The following ROR2 variants were observed in gnomAD, a reference collection of about 807,000 sequenced individuals.
ROR2 encodes the protein ROR family WNT receptor 2, also known as tyrosine-protein kinase transmembrane receptor ROR2.
A neutral mutation model predicts 74.9 loss-of-function variants in ROR2; 33 were observed. That is an observed-to-expected ratio of 0.44 (90% CI 0.33 to 0.59). ROR2 has a LOEUF of 0.59. Ranked by LOEUF, ROR2 falls within the 20% of genes least tolerant of loss-of-function variation. The pLI, the probability that ROR2 is intolerant of heterozygous loss-of-function variation, is 0.02. For missense variants in ROR2, 1,216 were observed against 1,313.8 expected, an observed-to-expected ratio of 0.93 and a Z score of 1.15; for synonymous variants, 586 against 558.7, an observed-to-expected ratio of 1.05 and a Z score of -0.69.
chr9:91,768,707 G>A (rs9409461), intron 2 of ROR2, among the ~76,000 whole-genome samples: 53,953 of 152,052 alleles, frequency 0.35, 11,917 homozygotes, highest in Non-Finnish European at 0.48. Flanking sequence ...CAGCCTCATC[G>A]ATGGCAGGAA....
chr9:91,846,681 C>T (rs992335499), intron 1 of ROR2, among the ~76,000 whole-genome samples: 1 of 152,102 alleles, frequency 6.6e-6, no homozygotes, highest in Non-Finnish European at 1.5e-5. Flanking sequence ...TTTCAAGTTT[C>T]GAGTCTTGCC....
intron 1 of ROR2, among the ~76,000 whole-genome samples, chr9:91,875,684 G>A (rs1829935687): frequency 6.6e-6 from 1 of 152,180 alleles, no homozygotes; most frequent in African/African-American, 2.4e-5. Context: ...AGAAAATGAA[G>A]TTTTCAGAGA....
Position 91,724,556 on chromosome 9 carries a change from G to C in ROR2, c.1938C>G (p.Tyr646Ter), listed in dbSNP as rs1332186381. The C allele has an allele frequency of 6.2e-7, 1 of 1,614,208 alleles. No individual in the cohort carries two copies. Among genetic ancestry groups the C allele is most frequent in the South Asian group, 1.1e-5 (1 of 91,092 alleles). ...GCAGCAGCGAGTTCCCCAGCAGCTT[G>C]TAGTAATCGGCGGCATACACCTCTC... Reference protein sequence around the residue: ...LFREVYAADYYKLLGNSLLPI... With the variant: ...LFREVYAADY The change falls in exon 9 of 9, where the codon TAC becomes TAG. Residue 646 changes from tyrosine to a stop codon, truncating the protein, a stop_gained. Transcript: ENST00000375708. LOFTEE classifies it high-confidence loss of function.
intron 1 of ROR2, among the ~76,000 whole-genome samples, chr9:91,938,488 T>A (rs999152281): frequency 6.6e-6 from 1 of 151,968 alleles, no homozygotes; most frequent in Non-Finnish European, 1.5e-5. Flanking sequence ...CCAGATGTGA[T>A]GTGCACACCT....
At position 91,765,323 on chromosome 9, in the gene ROR2, G is replaced by A. The variant is rs145651699; in HGVS notation, c.176-7764C>T. On this transcript the variant is annotated intron_variant, in intron 2 of 8. Coordinates refer to ENST00000375708, the MANE Select transcript of ROR2 (RefSeq NM_004560.4). ...TTGGTTCCTTTTCAAATCCACCACT[G>A]CTTTTTCTTCTATGTGGTTTCTGTT... Among the ~76,000 whole-genome samples, 554 of 152,200 alleles carry A rather than the reference G, an allele frequency of 3.6e-3. 5 individuals carry two copies. The highest frequency in any genetic ancestry group is 5.8e-3 in the Non-Finnish European group (395 of 68,000).
At chr9:91,817,676 C>A (rs1262983124) in intron 1 of ROR2, among the ~76,000 whole-genome samples, 1 of 152,238 alleles carries the variant, frequency 6.6e-6, no homozygotes, top group Non-Finnish European at 1.5e-5. Context: ...TCGGGGCCTC[C>A]TGGGTCCTGC....
chr9:91,891,252 C>CTTTTTTTTT (rs59835723), intron 1 of ROR2, among the ~76,000 whole-genome samples: 1 of 136,850 alleles, frequency 7.3e-6, no homozygotes. Flanking sequence ...CTGTTCCTTT[C>CTTTTTTTTT]TTTTTTTTTT....
chr9:91,876,507 A>T (rs1829959630), intron 1 of ROR2, among the ~76,000 whole-genome samples: 1 of 152,216 alleles, frequency 6.6e-6, no homozygotes, highest in Non-Finnish European at 1.5e-5. Flanking sequence ...CAAACTCTCC[A>T]ATTGTGAGCT....
chr9:91,834,316 G>A (rs1035204364), intron 1 of ROR2, among the ~76,000 whole-genome samples: 5 of 152,088 alleles, frequency 3.3e-5, no homozygotes, highest in African/African-American at 4.8e-5. Context: ...CCAGGACCAC[G>A]TCCCCGCGTG....
At chr9:91,879,518 C>A (rs888991379) in intron 1 of ROR2, among the ~76,000 whole-genome samples, 6 of 151,564 alleles carry the variant, frequency 4.0e-5, no homozygotes, top group African/African-American at 1.5e-4. Context: ...TCTTTTTCCC[C>A]AGCCACCCAT....
intron 7 of ROR2, among the ~76,000 whole-genome samples, chr9:91,730,446 C>T (rs1263989679): frequency 2.6e-5 from 4 of 152,112 alleles, no homozygotes; most frequent in Admixed American, 6.6e-5. Context: ...TTCATAACAA[C>T]CAATAACTTG....
chr9:91,925,468 G>A lies in ROR2; in HGVS notation c.97+24399C>T, dbSNP rs753275596. 1.4e-4 allele frequency among the ~76,000 whole-genome samples: 11 copies of A among 76,652 alleles called. 1 individual carries two copies. Among genetic ancestry groups the A allele is most frequent in the Middle Eastern group, 0.013 (2 of 160 alleles). The allele number at this position is 76,652 out of a possible 152,430, so 50.3% of individuals were successfully genotyped here. ...TGACAATGCTGTCAGCTGCCTGTAT[G>A]TGTGTGTGTGTGTGTGTGTGTGTGT... On this transcript the variant is annotated intron_variant, in intron 1 of 8. Coordinates refer to ENST00000375708, the MANE Select transcript of ROR2 (RefSeq NM_004560.4).
chr9:91,778,331 G>A (rs1374458925), intron 1 of ROR2, among the ~76,000 whole-genome samples: 1 of 152,226 alleles, frequency 6.6e-6, no homozygotes, highest in South Asian at 2.1e-4. Flanking sequence ...ACCACAACTT[G>A]CCTTGGTGGT....
intron 8 of ROR2, among the ~76,000 whole-genome samples, chr9:91,725,602 A>T (rs954532475): frequency 6.6e-6 from 1 of 152,182 alleles, no homozygotes; most frequent in Admixed American, 6.5e-5. Flanking sequence ...TTTGTCACTT[A>T]TAAGAGTCCA....
In ROR2 at chr9:91,725,130, G is replaced by A. The variant is rs773361932; in HGVS notation, c.1387-23C>T. 13 of 1,612,184 alleles carry A rather than the reference G, an allele frequency of 8.1e-6. No individual in the cohort carries two copies. In the East Asian group the frequency reaches 1.3e-4, roughly 17 times the overall value. On this transcript the variant is annotated intron_variant, in intron 8 of 8. Transcript: ENST00000375708. The stretch of plus-strand genomic sequence containing the variant: ...GGCCTGTCAAGAAGAAAAGCCCCAC[G>A]TGAAACATCACTGTCACCGCAGCCC...
In ROR2 at chr9:91,843,040, G is replaced by A. The variant is rs7849372; in HGVS notation, c.98-67222C>T. Among the ~76,000 whole-genome samples the A allele has an allele frequency of 1.5e-3, 226 of 152,294 alleles. 1 individual carries two copies. Among genetic ancestry groups the A allele is most frequent in the African/African-American group, 5.2e-3 (216 of 41,556 alleles). On this transcript the variant is annotated intron_variant, in intron 1 of 8. Coordinates refer to ENST00000375708, the MANE Select transcript of ROR2 (RefSeq NM_004560.4). ...TACAAACTATTTGCTAAAAGGATAT[G>A]AATTTAAAAGAGAACAACTAGAAGC...
At chr9:91,746,707 G>C (rs1825431364) in intron 4 of ROR2, among the ~76,000 whole-genome samples, 1 of 152,176 alleles carries the variant, frequency 6.6e-6, no homozygotes, top group African/African-American at 2.4e-5. Context: ...ACAAACATCT[G>C]GATGGAGAAC....
intron 1 of ROR2, among the ~76,000 whole-genome samples, chr9:91,879,853 C>T (rs1213915241): frequency 2.0e-5 from 3 of 152,082 alleles, no homozygotes; most frequent in African/African-American, 7.2e-5. Context: ...TCCACGTGTC[C>T]ATCTTTGCTT....
At chr9:91,790,557 A>C (rs1014139997) in intron 1 of ROR2, among the ~76,000 whole-genome samples, 1 of 152,112 alleles carries the variant, frequency 6.6e-6, no homozygotes, top group Non-Finnish European at 1.5e-5. Flanking sequence ...TGTCCAGTAC[A>C]TAATACTTGA....
Sources: gnomAD v4.1 joint callset for allele counts (sites outside exome capture counted in the v4.1 genomes callset) on GRCh38, gnomAD v4.1.1 for gene constraint, MANE v1.5 for transcripts, NCBI Gene and HGNC (gene_info 2026-07-23, HGNC 2026-07-21) for gene names.